The following PTPRN2 variants were observed in gnomAD, a reference collection of about 807,000 sequenced individuals.
PTPRN2 encodes receptor-type tyrosine-protein phosphatase N2.
PTPRN2 carries 74 observed loss-of-function variants against 118.8 expected under a neutral mutation model. The ratio of observed to expected loss-of-function variants is 0.62; its 90% CI spans 0.52 to 0.76. PTPRN2 has a LOEUF of 0.76. Ranked by LOEUF, PTPRN2 falls within the 30% of genes least tolerant of loss-of-function variation. The pLI, the probability that PTPRN2 is intolerant of heterozygous loss-of-function variation, is 0.00. For synonymous variants in PTPRN2, 641 were observed against 608.0 expected, an observed-to-expected ratio of 1.05 and a Z score of -0.80; for missense variants, 1,481 against 1,394.4, an observed-to-expected ratio of 1.06 and a Z score of -0.99.
intron 14 of PTPRN2, among the ~76,000 whole-genome samples, chr7:157,649,381 C>T (rs368297470): frequency 6.3e-5 from 7 of 110,424 alleles, no homozygotes; most frequent in East Asian, 7.1e-4. Flanking sequence ...CTCGGTGGGT[C>T]GGACCCATCC....
chr7:158,249,062 TCA>T (rs1023314893), intron 3 of PTPRN2, among the ~76,000 whole-genome samples: 1 of 144,802 alleles, frequency 6.9e-6, no homozygotes, highest in African/African-American at 2.6e-5. Flanking sequence ...TGCACCCACA[TCA>T]CACACATACA....
intron 11 of PTPRN2, among the ~76,000 whole-genome samples, chr7:157,904,161 G>A (rs1034490443): frequency 1.3e-5 from 2 of 152,198 alleles, no homozygotes; most frequent in African/African-American, 2.4e-5. Context: ...TTTGCTCTGG[G>A]TGACTCAGCT....
intron 11 of PTPRN2, among the ~76,000 whole-genome samples, chr7:158,034,108 G>A (rs902037261): frequency 5.3e-5 from 8 of 149,678 alleles, no homozygotes; most frequent in East Asian, 2.0e-4. Context: ...GCCCAGCAAT[G>A]CTCTGCGTGT....
At chr7:157,988,731 A>G (rs565881760) in intron 11 of PTPRN2, among the ~76,000 whole-genome samples, 27 of 152,296 alleles carry the variant, frequency 1.8e-4, no homozygotes, top group African/African-American at 4.3e-4. Context: ...ACACTTTCTA[A>G]AAAACCACCT....
rs998107866 is a variant in PTPRN2 at position 158,483,974 on chromosome 7, C to CA, written c.163+5760dup. Among the ~76,000 whole-genome samples the CA allele has an allele frequency of 2.1e-3, 314 of 150,548 alleles. 1 individual carries two copies. The highest frequency in any genetic ancestry group is 6.9e-3 in the African/African-American group (284 of 41,108). ...GAAACATAGTGAGACTCCATCACTG[C>CA]AAAAAAAAAATTTTTTTTAAATAGC... On this transcript the variant is annotated intron_variant, in intron 2 of 22. Coordinates refer to ENST00000389418, the MANE Select transcript of PTPRN2 (RefSeq NM_002847.5).
In PTPRN2 at chr7:157,702,096, G is replaced by A. The variant is rs1050368583; in HGVS notation, c.1789-19159C>T. 4.7e-5 allele frequency among the ~76,000 whole-genome samples: 7 copies of A among 150,510 alleles called. 1 individual carries two copies. Among genetic ancestry groups the A allele is most frequent in the Admixed American group, 6.6e-5 (1 of 15,092 alleles). On this transcript the variant is annotated intron_variant, in intron 12 of 22. Transcript: ENST00000389418. ...TGTGCATTTATAAGAAAGCCTGGTC[G>A]GTCCTGGTGTAACTGTTGCGGGCTC...
intron 11 of PTPRN2, among the ~76,000 whole-genome samples, chr7:157,952,060 C>T (rs1465734): frequency 0.28 from 42,853 of 152,142 alleles, 6,442 homozygotes; most frequent in Middle Eastern, 0.37. Flanking sequence ...CAGGTGCCTG[C>T]TCTCCTTGTT....
rs4716760 is a variant in PTPRN2 at position 157,583,952 on chromosome 7, C to T, written c.2497-5812G>A. Among the ~76,000 whole-genome samples, 42,218 of 150,860 alleles carry T rather than the reference C, an allele frequency of 0.28. 7,311 individuals carry two copies. The highest frequency in any genetic ancestry group is 0.48 in the African/African-American group (19,832 of 40,958). On this transcript the variant is annotated intron_variant, in intron 17 of 22. Coordinates refer to ENST00000389418, the MANE Select transcript of PTPRN2 (RefSeq NM_002847.5). This position sits in a 1 kb window ranked among gnomAD's most constrained non-coding sequence, Gnocchi z 5.5. ...CACACACACTCTTAAAATAAGCTCT[C>T]CTGAAGCCCCACAGAGACCTGATTT...
At chr7:158,504,392 C>T (rs989692836) in intron 1 of PTPRN2, among the ~76,000 whole-genome samples, 18 of 152,300 alleles carry the variant, frequency 1.2e-4, no homozygotes, top group African/African-American at 4.1e-4. Context: ...GTTCCCCCCC[C>T]ATGTGTCCAT....
intron 12 of PTPRN2, among the ~76,000 whole-genome samples, chr7:157,758,256 G>A (rs1297606154): frequency 6.6e-6 from 1 of 152,242 alleles, no homozygotes; most frequent in East Asian, 1.9e-4. Context: ...GACGAGCGTG[G>A]TGTTGCCCAC....
intron 20 of PTPRN2, 127 bp from the exon 21 acceptor site, chr7:157,569,093 G>C: frequency 1.1e-6 from 1 of 916,160 alleles, no homozygotes; most frequent in Non-Finnish European, 1.7e-6. Context: ...TGGCGGATGT[G>C]AGAGGGGGAG....
At chr7:158,357,579 C>T (rs867625686) in intron 2 of PTPRN2, among the ~76,000 whole-genome samples, 4 of 152,232 alleles carry the variant, frequency 2.6e-5, no homozygotes, top group South Asian at 4.1e-4. Flanking sequence ...TCACTGAGGG[C>T]GTCACACAGG....
chr7:157,745,797 C>T (rs954117774), intron 12 of PTPRN2, among the ~76,000 whole-genome samples: 2 of 152,164 alleles, frequency 1.3e-5, no homozygotes, highest in Non-Finnish European at 2.9e-5. Flanking sequence ...TCCAGGCAGT[C>T]GGTAAATGAA....
intron 2 of PTPRN2, among the ~76,000 whole-genome samples, chr7:158,388,429 G>A (rs375850777): frequency 6.2e-4 from 94 of 152,286 alleles, no homozygotes; most frequent in African/African-American, 2.1e-3. Context: ...TTTTTCTTTG[G>A]ATGACACAGA....
chr7:158,353,250 T>C (rs1333608141), intron 2 of PTPRN2, among the ~76,000 whole-genome samples: 1 of 152,294 alleles, frequency 6.6e-6, no homozygotes, highest in Middle Eastern at 3.4e-3. Flanking sequence ...CATCCCACTG[T>C]TTTCCTTAAT....
intron 2 of PTPRN2, among the ~76,000 whole-genome samples, chr7:158,334,722 C>CTG (rs1369055551): frequency 5.8e-5 from 2 of 34,240 alleles, no homozygotes; most frequent in Non-Finnish European, 1.4e-4. Context: ...GCAGACGTCA[C>CTG]ACCCACACTC....
At chr7:157,614,051 G>T (rs546468836) in intron 15 of PTPRN2, 28 of 471,466 alleles carry the variant, frequency 5.9e-5, no homozygotes, top group Non-Finnish European at 1.0e-4. Context: ...GCATCGTTCT[G>T]CAGCAGGACT....
At chr7:158,388,231 G>A (rs988296775) in intron 2 of PTPRN2, among the ~76,000 whole-genome samples, 3 of 152,080 alleles carry the variant, frequency 2.0e-5, no homozygotes, top group African/African-American at 4.8e-5. Context: ...CTGATCCACG[G>A]CCACATCCTC....
chr7:158,534,123 C>T (rs1274617141), intron 1 of PTPRN2, among the ~76,000 whole-genome samples: 2 of 116,364 alleles, frequency 1.7e-5, no homozygotes, highest in African/African-American at 3.1e-5. Flanking sequence ...CCCTGGGCTC[C>T]GTCAGGGATG....
Sources: gnomAD v4.1 joint callset for allele counts (sites outside exome capture counted in the v4.1 genomes callset) on GRCh38, gnomAD v4.1.1 for gene constraint, Gnocchi (gnomAD v3.1) non-coding constraint, MANE v1.5 for transcripts, NCBI Gene and HGNC (gene_info 2026-07-23, HGNC 2026-07-21) for gene names.